The following ZPBP variants were observed in gnomAD, a reference collection of about 807,000 sequenced individuals.
The protein encoded by ZPBP is zona pellucida binding protein.
ZPBP carries 26 observed loss-of-function variants against 44.8 expected under a neutral mutation model. The ratio of observed to expected loss-of-function variants is 0.58; its 90% CI spans 0.43 to 0.81. The LOEUF (loss-of-function observed/expected upper bound fraction) is 0.81. Among genes scored for constraint, ZPBP ranks in the 30% least tolerant of loss-of-function variants. The pLI, the probability that ZPBP is intolerant of heterozygous loss-of-function variation, is 0.00. For synonymous variants in ZPBP, 174 were observed against 153.2 expected, an observed-to-expected ratio of 1.14 and a Z score of -1.00; for missense variants, 409 against 434.0, an observed-to-expected ratio of 0.94 and a Z score of 0.51.
At chr7:49,949,623 G>A (rs1282328332) in intron 7 of ZPBP, among the ~76,000 whole-genome samples, 1 of 151,986 alleles carries the variant, frequency 6.6e-6, no homozygotes, top group Non-Finnish European at 1.5e-5. Context: ...TCAGGTGTTG[G>A]AGGGAGAAGG....
chr7:49,958,175 A>G lies in ZPBP; in HGVS notation c.962-20553T>C, dbSNP rs1252228313. ...TTTCACAGGGTCACAGCTGGAGGGAAATTTGCCTCAGGATGTATTGTGTCT... is the reference window on the plus strand; with the variant it reads ...TTTCACAGGGTCACAGCTGGAGGGAGATTTGCCTCAGGATGTATTGTGTCT... On this transcript the variant is annotated intron_variant, in intron 7 of 7. Coordinates refer to ENST00000046087, the MANE Select transcript of ZPBP (RefSeq NM_007009.3). Among the ~76,000 whole-genome samples the G allele has an allele frequency of 2.0e-5, 3 of 152,096 alleles. No individual in the cohort carries two copies. The East Asian group carries it at 5.8e-4, about 29-fold the overall frequency.
chr7:49,883,873 G>A (rs2128728039), intron 2 of ZPBP, among the ~76,000 whole-genome samples: 1 of 152,322 alleles, frequency 6.6e-6, no homozygotes, highest in African/African-American at 2.4e-5. Context: ...AAGAAAACAA[G>A]TATTCAACAA....
intron 3 of ZPBP, among the ~76,000 whole-genome samples, chr7:50,064,591 T>C (rs1050619968): frequency 6.6e-6 from 1 of 152,204 alleles, no homozygotes; most frequent in African/African-American, 2.4e-5. Context: ...CTCAGGGATG[T>C]TCCATGCTGA....
At chr7:49,962,563 T>C (rs1394784735) in intron 7 of ZPBP, among the ~76,000 whole-genome samples, 6 of 151,896 alleles carry the variant, frequency 4.0e-5, no homozygotes, top group South Asian at 2.1e-4. Flanking sequence ...AGGGCTCTGA[T>C]AGTGGGAACA....
chr7:49,872,915 C>CAAAAAAAAAAAAA (rs61473396), intron 2 of ZPBP, among the ~76,000 whole-genome samples: 8 of 33,956 alleles, frequency 2.4e-4, no homozygotes, highest in Admixed American at 4.8e-4. Flanking sequence ...GACTTTGTCT[C>CAAAAAAAAAAAAA]AAAAAAAAAA....
At chr7:49,845,420 G>C in the ZPBP span, among the ~76,000 whole-genome samples, 1 of 152,272 alleles carries the variant, frequency 6.6e-6, no homozygotes, top group East Asian at 1.9e-4. Flanking sequence ...AACAATGCTT[G>C]TGATTATTAC....
At chr7:50,033,555 G>A (rs2128812980) in intron 4 of ZPBP, among the ~76,000 whole-genome samples, 1 of 152,112 alleles carries the variant, frequency 6.6e-6, no homozygotes, top group African/African-American at 2.4e-5. Context: ...AAAATCTGAG[G>A]GTGAGTCCAT....
chr7:49,850,862 T>A (rs988325261), intron 2 of ZPBP, among the ~76,000 whole-genome samples: 2 of 152,228 alleles, frequency 1.3e-5, no homozygotes, highest in African/African-American at 4.8e-5. Flanking sequence ...CTGGCCATAG[T>A]GGACACCGCA....
chr7:49,868,810 G>C (rs1257535515), intron 2 of ZPBP, among the ~76,000 whole-genome samples: 2 of 152,124 alleles, frequency 1.3e-5, no homozygotes, highest in Non-Finnish European at 2.9e-5. Context: ...GTAGAGACAA[G>C]GTTTCACCAT....
chr7:49,882,185 A>T (rs924257226), intron 2 of ZPBP, among the ~76,000 whole-genome samples: 1 of 152,150 alleles, frequency 6.6e-6, no homozygotes, highest in African/African-American at 2.4e-5. Flanking sequence ...TATTAATTTA[A>T]AAGAGAACAA....
At chr7:49,923,063 G>A (rs904513401) in intron 1 of ZPBP, among the ~76,000 whole-genome samples, 6 of 152,196 alleles carry the variant, frequency 3.9e-5, no homozygotes, top group African/African-American at 1.4e-4. Flanking sequence ...GAGTGAATCT[G>A]AAGACAGATC....
At chr7:49,859,954 G>A (rs1397157272) in intron 2 of ZPBP, among the ~76,000 whole-genome samples, 2 of 151,280 alleles carry the variant, frequency 1.3e-5, no homozygotes, top group Non-Finnish European at 2.9e-5. Context: ...ATATAAATGT[G>A]TTTACTTATG....
At chr7:50,082,939 C>T (rs949543960) in intron 2 of ZPBP, among the ~76,000 whole-genome samples, 1 of 151,700 alleles carries the variant, frequency 6.6e-6, no homozygotes, top group Non-Finnish European at 1.5e-5. Context: ...TTTACTGGCC[C>T]TACTCTCCAT....
intron 7 of ZPBP, among the ~76,000 whole-genome samples, chr7:49,960,281 C>T (rs962642544): frequency 2.0e-5 from 3 of 151,844 alleles, no homozygotes; most frequent in Non-Finnish European, 2.9e-5. Flanking sequence ...AATAGCTGGG[C>T]GTGGTTGTGC....
intron 5 of ZPBP, among the ~76,000 whole-genome samples, chr7:50,019,951 C>T (rs1159073568): frequency 1.3e-5 from 2 of 151,318 alleles, no homozygotes; most frequent in African/African-American, 4.9e-5. Context: ...AGTTAAATCT[C>T]TAAATTTTAT....
downstream of ZPBP, among the ~76,000 whole-genome samples, chr7:49,933,742 G>T (rs1328986526): frequency 2.0e-5 from 3 of 152,104 alleles, no homozygotes; most frequent in Non-Finnish European, 4.4e-5. Flanking sequence ...ATGAGCTCAT[G>T]TCCTTTGTAG....
At chr7:49,916,779 T>G (rs1445983000) in intron 1 of ZPBP, 1 of 152,250 alleles carries the variant, frequency 6.6e-6, no homozygotes, top group African/African-American at 2.4e-5. Flanking sequence ...CAGTTGTCTT[T>G]TGATTTCTCT....
At chr7:50,066,591 C>A (rs1801514269) in intron 3 of ZPBP, among the ~76,000 whole-genome samples, 1 of 152,166 alleles carries the variant, frequency 6.6e-6, no homozygotes, top group African/African-American at 2.4e-5. Flanking sequence ...GGCAAACATT[C>A]CTCTGGGCAT....
At chr7:50,065,576 T>C (rs1320365806) in intron 3 of ZPBP, among the ~76,000 whole-genome samples, 1 of 150,898 alleles carries the variant, frequency 6.6e-6, no homozygotes, top group African/African-American at 2.5e-5. Context: ...GGCTGTTGGT[T>C]CACTGACTGG....
Sources: gnomAD v4.1 joint callset for allele counts (sites outside exome capture counted in the v4.1 genomes callset) on GRCh38, gnomAD v4.1.1 for gene constraint, MANE v1.5 for transcripts, NCBI Gene and HGNC (gene_info 2026-07-23, HGNC 2026-07-21) for gene names.